CSMD3: variants seen among roughly 807,000 people sequenced by gnomAD.
CSMD3 encodes CUB and Sushi multiple domains 3.
A neutral mutation model predicts 435.2 loss-of-function variants in CSMD3; 177 were observed. That is an observed-to-expected ratio of 0.41 (90% confidence interval 0.36 to 0.46). The LOEUF is 0.46. Among genes scored for constraint, CSMD3 ranks in the 20% least tolerant of loss-of-function variants. The pLI is 0.34. For missense variants in CSMD3, 4,265 were observed against 4,504.6 expected, an observed-to-expected ratio of 0.95 and a Z score of 1.52; for synonymous variants, 1,656 against 1,520.5, an observed-to-expected ratio of 1.09 and a Z score of -2.07.
intron 28 of CSMD3, among the ~76,000 whole-genome samples, chr8:112,512,829 T>C (rs941249826): frequency 2.6e-5 from 4 of 152,196 alleles, no homozygotes; most frequent in African/African-American, 7.2e-5. Context: ...ATGTAGCCAC[T>C]TTCATCAGTG....
intron 10 of CSMD3, among the ~76,000 whole-genome samples, chr8:112,892,341 T>C (rs1289129279): frequency 1.3e-5 from 2 of 151,550 alleles, no homozygotes; most frequent in Non-Finnish European, 3.0e-5. Flanking sequence ...AGCCTTGAGT[T>C]TTAATTCCAA....
At chr8:113,397,066 T>C (rs1260013739) in intron 1 of CSMD3, among the ~76,000 whole-genome samples, 3 of 152,136 alleles carry the variant, frequency 2.0e-5, no homozygotes, top group African/African-American at 7.2e-5. Flanking sequence ...TAATGCCTAT[T>C]TTAAGTTTCT....
chr8:112,870,770 A>C (rs1314367749), intron 10 of CSMD3, among the ~76,000 whole-genome samples: 2 of 152,144 alleles, frequency 1.3e-5, no homozygotes, highest in Admixed American at 1.3e-4. Flanking sequence ...GTGGAGGTGG[A>C]AAGATTAATA....
At chr8:112,656,107 G>T in intron 18 of CSMD3, 47 bp downstream of exon 18, 1 of 1,015,046 alleles carries the variant, frequency 9.9e-7, no homozygotes, top group Non-Finnish European at 1.6e-6. Context: ...AATACAAAAA[G>T]TAGGGCAAAC....
intron 5 of CSMD3, among the ~76,000 whole-genome samples, chr8:113,039,817 C>T (rs569217717): frequency 4.0e-4 from 61 of 152,242 alleles, no homozygotes; most frequent in Admixed American, 1.0e-3. Context: ...AAAATGAAAA[C>T]CATCAAATAC....
chr8:113,295,718 C>A (rs911919535), intron 2 of CSMD3, among the ~76,000 whole-genome samples: 1 of 152,170 alleles, frequency 6.6e-6, no homozygotes, highest in African/African-American at 2.4e-5. Flanking sequence ...AGTGTGATTG[C>A]ATTTTGGTCT....
At chr8:112,665,478 A>G (rs1340980142) in intron 17 of CSMD3, among the ~76,000 whole-genome samples, 1 of 152,198 alleles carries the variant, frequency 6.6e-6, no homozygotes, top group Non-Finnish European at 1.5e-5. Flanking sequence ...TGAGTTAGGA[A>G]AGAATCATGT....
intron 5 of CSMD3, among the ~76,000 whole-genome samples, chr8:113,037,556 T>A (rs1355558838): frequency 6.6e-6 from 1 of 152,096 alleles, no homozygotes; most frequent in East Asian, 1.9e-4. Flanking sequence ...ATACCTCAAA[T>A]CCCAGTATGT....
chr8:113,209,873 T>C (rs1003298828), intron 3 of CSMD3, among the ~76,000 whole-genome samples: 3 of 152,230 alleles, frequency 2.0e-5, no homozygotes, highest in Admixed American at 6.5e-5. Context: ...ATTTATTATG[T>C]TATTTTTGTT....
At chr8:112,487,241 G>C (rs2130825524) in intron 31 of CSMD3, among the ~76,000 whole-genome samples, 1 of 152,238 alleles carries the variant, frequency 6.6e-6, no homozygotes, top group African/African-American at 2.4e-5. Context: ...ATTCTGTCCT[G>C]GGAGCTCTGA....
At chr8:112,435,714 A>G (rs1814255383) in intron 32 of CSMD3, among the ~76,000 whole-genome samples, 1 of 152,046 alleles carries the variant, frequency 6.6e-6, no homozygotes, top group Non-Finnish European at 1.5e-5. Flanking sequence ...CACATTTTTT[A>G]ACTTGTATAC....
intron 11 of CSMD3, among the ~76,000 whole-genome samples, chr8:112,855,684 C>T (rs1453304365): frequency 6.6e-6 from 1 of 151,720 alleles, no homozygotes; most frequent in African/African-American, 2.4e-5. Flanking sequence ...TACCTGTATA[C>T]ACAAATAAAT....
At chr8:113,076,571 T>C (rs2089346089) in intron 5 of CSMD3, among the ~76,000 whole-genome samples, 1 of 152,046 alleles carries the variant, frequency 6.6e-6, no homozygotes, top group South Asian at 2.1e-4. Context: ...TTAATTAAGA[T>C]TACCCAGTAA....
chr8:112,951,940 G>C (rs1219751195), intron 8 of CSMD3, among the ~76,000 whole-genome samples: 1 of 151,402 alleles, frequency 6.6e-6, no homozygotes, highest in African/African-American at 2.4e-5. Flanking sequence ...TTTATGGCAG[G>C]CTCACAGTTT....
intron 2 of CSMD3, among the ~76,000 whole-genome samples, chr8:113,305,959 T>C (rs1433176688): frequency 6.6e-6 from 1 of 152,172 alleles, no homozygotes; most frequent in Non-Finnish European, 1.5e-5. Flanking sequence ...CAAGTTTGTA[T>C]ATAGAAAAAT....
intron 28 of CSMD3, among the ~76,000 whole-genome samples, chr8:112,516,070 C>G (rs185600445): frequency 1.9e-3 from 282 of 152,162 alleles, no homozygotes; most frequent in African/African-American, 6.4e-3. Flanking sequence ...AGAACTAACA[C>G]TCTTTTCCTA....
At chr8:112,287,465 A>G (rs887673314) in intron 57 of CSMD3, among the ~76,000 whole-genome samples, 3 of 152,238 alleles carry the variant, frequency 2.0e-5, no homozygotes, top group East Asian at 1.9e-4. Flanking sequence ...CTTTTTTATC[A>G]GTGAATTTGG....
intron 3 of CSMD3, among the ~76,000 whole-genome samples, chr8:113,184,529 T>C (rs537600335): frequency 6.6e-6 from 1 of 152,092 alleles, no homozygotes; most frequent in Non-Finnish European, 1.5e-5. Flanking sequence ...GCCAAAAAAA[T>C]GAGGCCAAAG....
At position 112,224,744 on chromosome 8, in the gene CSMD3, C is replaced by T. The variant is rs1812415465; in HGVS notation, c.*27G>A. 2.5e-6 allele frequency: 4 copies of T among 1,613,370 alleles called. No homozygotes were observed. Among genetic ancestry groups the T allele is most frequent in the Non-Finnish European group, 3.4e-6 (4 of 1,179,422 alleles). ...ACTGTTTTGTGTGTCGATTTCCAAG[C>T]TTCTGAAGAAGGCAAAGGTTGCCTC... On this transcript the variant is annotated 3_prime_UTR_variant, in exon 71 of 71. Transcript: ENST00000297405.
Sources: gnomAD v4.1 joint callset for allele counts (sites outside exome capture counted in the v4.1 genomes callset) on GRCh38, gnomAD v4.1.1 for gene constraint, MANE v1.5 for transcripts, NCBI Gene and HGNC (gene_info 2026-07-23, HGNC 2026-07-21) for gene names.